Variants in ENOX1 observed in about 807,000 individuals in gnomAD.
ENOX1 encodes ecto-NOX disulfide-thiol exchanger 1.
A neutral mutation model predicts 82.5 loss-of-function variants in ENOX1; 42 were observed. The observed-to-expected ratio is 0.51, with a 90% CI of 0.40 to 0.66. The LOEUF (loss-of-function observed/expected upper bound fraction) is 0.66, where lower values mean the gene tolerates loss of function less well. Ranked by LOEUF, ENOX1 falls within the 30% of genes least tolerant of loss-of-function variation. ENOX1 has a pLI of 0.00. For missense variants in ENOX1, 608 were observed against 811.6 expected (o/e 0.75, Z 3.05); for synonymous variants, 271 against 282.2 (o/e 0.96, Z 0.40).
At chr13:43,496,111 C>T (rs533810019) in intron 2 of ENOX1, among the ~76,000 whole-genome samples, 55 of 152,112 alleles carry the variant, frequency 3.6e-4, no homozygotes, top group South Asian at 1.0e-3. Flanking sequence ...TTTGCCCTTT[C>T]TGTGGCTTGC....
intron 14 of ENOX1, among the ~76,000 whole-genome samples, chr13:43,253,722 C>T (rs1346473376): frequency 6.6e-6 from 1 of 152,206 alleles, no homozygotes; most frequent in Non-Finnish European, 1.5e-5. Context: ...GCTGGTGCAT[C>T]CTTGCTCCTG....
At chr13:43,272,691 CA>C (rs1252884774) in intron 12 of ENOX1, among the ~76,000 whole-genome samples, 1 of 152,032 alleles carries the variant, frequency 6.6e-6, no homozygotes, top group East Asian at 1.9e-4. Context: ...TGAAGATTTT[CA>C]AAAAAATACT....
At chr13:43,592,591 A>C (rs2081292247) in intron 2 of ENOX1, among the ~76,000 whole-genome samples, 1 of 152,236 alleles carries the variant, frequency 6.6e-6, no homozygotes, top group Non-Finnish European at 1.5e-5. Flanking sequence ...CAATGTTTTT[A>C]CATCAGAATG....
chr13:43,648,079 C>T (rs1013047674), intron 2 of ENOX1, among the ~76,000 whole-genome samples: 2 of 152,178 alleles, frequency 1.3e-5, no homozygotes, highest in Non-Finnish European at 1.5e-5. Context: ...TTCCGACCTG[C>T]AGAACTGTTA....
intron 2 of ENOX1, 80 bp downstream of exon 2, chr13:43,667,399 G>T: frequency 1.1e-6 from 1 of 896,710 alleles, no homozygotes; most frequent in Non-Finnish European, 1.3e-6. Context: ...TGATGCCAGA[G>T]GTATAATTAA....
rs1188842726 is a variant in ENOX1, at chr13:43,356,006, C to T, written c.736G>A (p.Glu246Lys). Residue 246 changes from glutamate (E) to lysine (K), a missense_variant, in exon 8 of 17, where the codon GAG becomes AAG. Coordinates refer to ENST00000690772, the MANE Select transcript of ENOX1 (RefSeq NM_001347969.2). ...AREERHRRKL[E>K]EDRLRPPSPP... ...GATGGGGGCCTGAGCCGGTCCTCCT[C>T]CAGCTTGCGCCGGTGCCGCTCCTCC... 6.2e-7 allele frequency: 1 copy of T among 1,614,068 alleles called. No homozygotes were observed. Among genetic ancestry groups the T allele is most frequent in the Non-Finnish European group, 8.5e-7 (1 of 1,180,040 alleles).
At chr13:43,277,696 AAAG>A (rs1038180622) in intron 12 of ENOX1, among the ~76,000 whole-genome samples, 6 of 152,206 alleles carry the variant, frequency 3.9e-5, no homozygotes, top group Non-Finnish European at 7.3e-5. Flanking sequence ...CGCTAGGGGA[AAAG>A]AGGGCATGGA....
intron 2 of ENOX1, among the ~76,000 whole-genome samples, chr13:43,568,552 G>A (rs2080022121): frequency 6.6e-6 from 1 of 152,088 alleles, no homozygotes; most frequent in Non-Finnish European, 1.5e-5. Context: ...AGCTTCTAGG[G>A]GTTAAGCCAG....
At chr13:43,467,878 C>T (rs997381604) in intron 3 of ENOX1, among the ~76,000 whole-genome samples, 1 of 152,136 alleles carries the variant, frequency 6.6e-6, no homozygotes. Context: ...ATTATTAATA[C>T]ATGTGGAAAT....
At chr13:43,634,751 A>C (rs1336542521) in intron 2 of ENOX1, among the ~76,000 whole-genome samples, 2 of 152,200 alleles carry the variant, frequency 1.3e-5, no homozygotes, top group Admixed American at 1.3e-4. Context: ...TGTAAGTGGA[A>C]AGGTGGGAGA....
chr13:43,434,398 C>A (rs997957252), intron 3 of ENOX1, among the ~76,000 whole-genome samples: 1 of 152,164 alleles, frequency 6.6e-6, no homozygotes, highest in African/African-American at 2.4e-5. Context: ...GCCTCCCACA[C>A]GCCAGTGCTC....
intron 11 of ENOX1, among the ~76,000 whole-genome samples, chr13:43,314,154 G>A (rs1439718774): frequency 6.6e-6 from 1 of 152,156 alleles, no homozygotes; most frequent in Non-Finnish European, 1.5e-5. Context: ...TTGTGTCCTG[G>A]AACTGGGGAG....
At chr13:43,460,363 AC>A (rs1338374011) in intron 3 of ENOX1, among the ~76,000 whole-genome samples, 1 of 152,022 alleles carries the variant, frequency 6.6e-6, no homozygotes, top group Non-Finnish European at 1.5e-5. Flanking sequence ...TCTATCAGAA[AC>A]CCCACTTCCT....
At chr13:43,605,940 G>T (rs1456409095) in intron 2 of ENOX1, among the ~76,000 whole-genome samples, 1 of 152,030 alleles carries the variant, frequency 6.6e-6, no homozygotes, top group African/African-American at 2.4e-5. Context: ...AATACAGAAG[G>T]AGCTCAAACA....
At chr13:43,217,978 A>G (rs2153449117) in intron 16 of ENOX1, among the ~76,000 whole-genome samples, 1 of 152,326 alleles carries the variant, frequency 6.6e-6, no homozygotes, top group African/African-American at 2.4e-5. Context: ...CTGTTCTGGA[A>G]TGCTTTTCAT....
chr13:43,319,238 G>C (rs986329878), intron 11 of ENOX1, among the ~76,000 whole-genome samples: 3 of 152,084 alleles, frequency 2.0e-5, no homozygotes, highest in African/African-American at 7.2e-5. Flanking sequence ...TAACAAAATT[G>C]ATTTTCATTT....
rs903851111 is a variant in ENOX1 at position 43,460,810 on chromosome 13, A to G, written c.-75+23199T>C. Among the ~76,000 whole-genome samples, 6 of 99,268 alleles carry G rather than the reference A, an allele frequency of 6.0e-5. 1 individual carries two copies. The highest frequency in any genetic ancestry group is 1.0e-4 in the Non-Finnish European group (5 of 49,430). 65.1% of individuals were successfully genotyped at this position (99,268 alleles called of 152,430 possible). A position where few individuals can be genotyped will look rare whatever the true frequency, so the allele number is the denominator to read the frequency against. The stretch of plus-strand genomic sequence containing the variant: ...CTCCATCTCAAAAAAAAAAAAAAAA[A>G]AAAAAAAAAAAAAAAAAAAATAGGG... On this transcript the variant is annotated intron_variant, in intron 3 of 16. Transcript: ENST00000690772.
intron 11 of ENOX1, among the ~76,000 whole-genome samples, chr13:43,311,329 T>C (rs2047189290): frequency 6.6e-6 from 1 of 151,114 alleles, no homozygotes. Flanking sequence ...CCAAAAAATG[T>C]AGTCAGTACT....
chr13:43,639,247 A>G (rs2083530004), intron 2 of ENOX1, among the ~76,000 whole-genome samples: 1 of 152,214 alleles, frequency 6.6e-6, no homozygotes, highest in Non-Finnish European at 1.5e-5. Context: ...GGTTGCAGTG[A>G]GCTGAGACGG....
Sources: allele counts gnomAD v4.1 joint callset (sites outside exome capture counted in the v4.1 genomes callset), GRCh38; gene constraint gnomAD v4.1.1; transcripts MANE v1.5; gene names NCBI Gene and HGNC (gene_info 2026-07-23, HGNC 2026-07-21).